ANXA13: variants seen among roughly 807,000 people sequenced by gnomAD.
ANXA13 encodes the protein annexin A13.
In ANXA13, 36 loss-of-function variants were observed where a neutral mutation model predicts 46.6. That is an observed-to-expected ratio of 0.77 (90% CI 0.59 to 1.02). The LOEUF (loss-of-function observed/expected upper bound fraction) is 1.02, where lower values mean the gene tolerates loss of function less well. ANXA13 is among the 50% of genes least tolerant of loss of function. The pLI, the probability that ANXA13 is intolerant of heterozygous loss-of-function variation, is 0.00. For synonymous variants in ANXA13, 163 were observed against 152.9 expected, an observed-to-expected ratio of 1.07 and a Z score of -0.49; for missense variants, 417 against 396.5, an observed-to-expected ratio of 1.05 and a Z score of -0.44.
chr8:123,701,417 C>T lies in ANXA13; in HGVS notation c.186+1225G>A, dbSNP rs1813445235. Among the ~76,000 whole-genome samples the T allele has an allele frequency of 4.6e-5, 7 of 152,102 alleles. No homozygotes were observed. In the South Asian group the frequency reaches 1.5e-3, roughly 32 times the overall value. ...CCCGGGAGGCAGAGGTTACAGTGAG[C>T]CAAGATTATGCCACTACACTCCAGC... On this transcript the variant is annotated intron_variant, in intron 3 of 10. Transcript: ENST00000419625.
chr8:123,714,666 T>C (rs889267725), intron 1 of ANXA13, among the ~76,000 whole-genome samples: 1 of 152,158 alleles, frequency 6.6e-6, no homozygotes, highest in Non-Finnish European at 1.5e-5. Flanking sequence ...AATCATAGAC[T>C]CCTAGAGCCG....
chr8:123,706,700 C>T (rs1275482997), intron 2 of ANXA13, among the ~76,000 whole-genome samples: 2 of 152,208 alleles, frequency 1.3e-5, no homozygotes, highest in African/African-American at 4.8e-5. Context: ...GATTGGCCTG[C>T]TCACCCCTCT....
chr8:123,735,933 C>T lies in ANXA13; in HGVS notation c.15+1387G>A, dbSNP rs1814257276. 7.2e-6 allele frequency: 11 copies of T among 1,517,678 alleles called. No individual in the cohort carries two copies. The Admixed American group carries it at 2.3e-4, about 32-fold the overall frequency. The allele number at this position is 1,517,678 out of a possible 1,614,324, so 94.0% of individuals were successfully genotyped here. ...CTGGTCCACTCCTAAAGGCCAGCTG[C>T]TCCCTAGGTTGACTTTCAAAAGACA... On this transcript the variant is annotated intron_variant, in intron 1 of 10. Coordinates refer to ENST00000419625, the MANE Select transcript of ANXA13 (RefSeq NM_004306.4).
chr8:123,706,069 T>G (rs1422988142), intron 2 of ANXA13, among the ~76,000 whole-genome samples: 3 of 152,180 alleles, frequency 2.0e-5, no homozygotes, highest in Non-Finnish European at 4.4e-5. Flanking sequence ...TGGTTTCAAT[T>G]GGAGAAACAG....
intron 1 of ANXA13, among the ~76,000 whole-genome samples, chr8:123,717,789 G>T (rs7007076): frequency 3.3e-5 from 5 of 152,136 alleles, no homozygotes; most frequent in African/African-American, 1.2e-4. Flanking sequence ...CTTTCTGACG[G>T]GGCGTGTCTC....
chr8:123,731,407 T>C (rs920261329), intron 1 of ANXA13, among the ~76,000 whole-genome samples: 6 of 152,230 alleles, frequency 3.9e-5, no homozygotes, highest in African/African-American at 1.4e-4. Context: ...AACACTGATT[T>C]GTTTAAGATT....
chr8:123,700,499 A>G (rs1199810353), intron 3 of ANXA13, among the ~76,000 whole-genome samples: 1 of 152,204 alleles, frequency 6.6e-6, no homozygotes, highest in South Asian at 2.1e-4. Context: ...ATTCTAGATT[A>G]TCTGTTTGGC....
chr8:123,681,153 G>A lies in ANXA13; in HGVS notation c.*87C>T, dbSNP rs199504938. On this transcript the variant is annotated 3_prime_UTR_variant, in exon 11 of 11. Coordinates refer to ENST00000419625, the MANE Select transcript of ANXA13 (RefSeq NM_004306.4). ...TAATCCGGGACTCTTAAGGGTTTTC[G>A]TGCGGGAGTCTCATTTGCAAGTTTG... 63 of 1,490,568 alleles carry A rather than the reference G, an allele frequency of 4.2e-5. No individual in the cohort carries two copies. In the South Asian group the frequency reaches 5.8e-4, roughly 14 times the overall value. The allele number at this position is 1,490,568 out of a possible 1,614,324, so 92.3% of individuals were successfully genotyped here.
intron 2 of ANXA13, chr8:123,712,000 G>A (rs1267779118): frequency 6.5e-6 from 1 of 152,968 alleles, no homozygotes; most frequent in Admixed American, 6.5e-5. Flanking sequence ...GGGATCAGAG[G>A]GGTTTAGATC....
chr8:123,702,582 G>A, intron 3 of ANXA13, 60 bp downstream of exon 3: 1 of 1,379,058 alleles, frequency 7.3e-7, no homozygotes, highest in Admixed American at 1.7e-5. Flanking sequence ...GGGACATGAG[G>A]AAGCCGAGAC....
At chr8:123,707,380 A>G (rs1464492342) in intron 2 of ANXA13, among the ~76,000 whole-genome samples, 5 of 152,220 alleles carry the variant, frequency 3.3e-5, no homozygotes, top group African/African-American at 1.2e-4. Context: ...TGAAATTAAT[A>G]TTGAAAATAA....
At chr8:123,682,221 A>G (rs1188268804) in intron 10 of ANXA13, among the ~76,000 whole-genome samples, 1 of 152,240 alleles carries the variant, frequency 6.6e-6, no homozygotes, top group African/African-American at 2.4e-5. Flanking sequence ...TGTAGGATTT[A>G]TTTTGAATCT....
intron 1 of ANXA13, among the ~76,000 whole-genome samples, chr8:123,717,496 T>C (rs1272339950): frequency 2.6e-5 from 4 of 152,234 alleles, no homozygotes; most frequent in African/African-American, 9.6e-5. Flanking sequence ...ATATATAGGT[T>C]TCTAATTCAC....
chr8:123,718,718 A>G (rs1217546948), intron 1 of ANXA13, among the ~76,000 whole-genome samples: 1 of 152,234 alleles, frequency 6.6e-6, no homozygotes, highest in African/African-American at 2.4e-5. Context: ...AAACAAGGAC[A>G]TGAATGATCC....
intron 6 of ANXA13, 82 bp from the exon 7 acceptor site, chr8:123,693,861 G>C: frequency 3.9e-6 from 5 of 1,285,572 alleles, no homozygotes; most frequent in Non-Finnish European, 5.6e-6. Context: ...CAAAGTCCTG[G>C]AGAAAGAGGT....
chr8:123,686,561 C>T (rs1412392891), intron 9 of ANXA13, among the ~76,000 whole-genome samples: 1 of 152,152 alleles, frequency 6.6e-6, no homozygotes, highest in African/African-American at 2.4e-5. Flanking sequence ...CTCCCCTTTG[C>T]CTTCAGAGTG....
At chr8:123,709,757 T>G (rs1394654394) in intron 2 of ANXA13, among the ~76,000 whole-genome samples, 1 of 152,198 alleles carries the variant, frequency 6.6e-6, no homozygotes. Flanking sequence ...GTTTCATATA[T>G]GTATGTGTGT....
intron 2 of ANXA13, among the ~76,000 whole-genome samples, chr8:123,703,468 T>C (rs1200718084): frequency 1.3e-5 from 2 of 152,286 alleles, no homozygotes; most frequent in Admixed American, 1.3e-4. Context: ...ACTGTTGAAT[T>C]GAACACTTTA....
rs1034606089 is a variant in ANXA13, at chr8:123,680,851, A to G, written c.*389T>C. The G allele has an allele frequency of 4.4e-5, 7 of 158,654 alleles. No individual in the cohort carries two copies. The highest frequency in any genetic ancestry group is 6.9e-5 in the Non-Finnish European group (5 of 72,398). The allele number at this position is 158,654 out of a possible 1,614,324, so 9.8% of individuals were successfully genotyped here. On this transcript the variant is annotated 3_prime_UTR_variant, in exon 11 of 11. Transcript: ENST00000419625. Reference sequence around the variant, plus strand: ...GAGGCTTTCAAATTGAACACACAGAAGGAAAATTAATAAATTGTTTAATTT... The same window carrying G: ...GAGGCTTTCAAATTGAACACACAGAGGGAAAATTAATAAATTGTTTAATTT...
Sources: allele counts gnomAD v4.1 joint callset (sites outside exome capture counted in the v4.1 genomes callset), GRCh38; gene constraint gnomAD v4.1.1; transcripts MANE v1.5; gene names NCBI Gene and HGNC (gene_info 2026-07-23, HGNC 2026-07-21).